HAX1: variants seen among roughly 807,000 people sequenced by gnomAD.
The protein encoded by HAX1 is HCLS1-associated protein X-1.
HAX1 carries 27 observed loss-of-function variants against 31.1 expected under a neutral mutation model. The ratio of observed to expected loss-of-function variants is 0.87; its 90% CI spans 0.64 to 1.20. The LOEUF (loss-of-function observed/expected upper bound fraction) is 1.20. Among genes scored for constraint, HAX1 ranks in the 50% most tolerant of loss-of-function variants. HAX1 has a pLI of 0.00. For synonymous variants in HAX1, 114 were observed against 124.1 expected, an observed-to-expected ratio of 0.92 and a Z score of 0.54; for missense variants, 357 against 361.6, an observed-to-expected ratio of 0.99 and a Z score of 0.10.
chr1:154,275,686 G>C lies in HAX1; in HGVS notation c.825G>C (p.Trp275Cys), dbSNP rs113969843. The change falls in exon 7 of 7, where the codon TGG (tryptophan) becomes TGC (cysteine). Residue 275 changes from tryptophan to cysteine, a missense_variant. By Grantham distance (215) the Trp-to-Cys change is radical. Coordinates refer to ENST00000328703, the MANE Select transcript of HAX1 (RefSeq NM_006118.4). ...TCCTGGACTTATTCCTGGGACGTTG[G>C]TTCCGGTCCCGGTAGCCTTGTTAAC... ...FSILDLFLGR[W>C]FRSR 2.5e-6 allele frequency: 4 copies of C among 1,613,480 alleles called. No homozygotes were observed. Among genetic ancestry groups the C allele is most frequent in the Non-Finnish European group, 2.5e-6 (3 of 1,179,528 alleles).
intron 1 of HAX1, 92 bp from the exon 2 acceptor site, chr1:154,273,244 C>G (rs1033500254): frequency 1.3e-6 from 2 of 1,507,754 alleles, no homozygotes; most frequent in Non-Finnish European, 1.8e-6. Flanking sequence ...CTTCCCAGAC[C>G]CCTTGCTCTT....
At position 154,274,990 on chromosome 1, in the gene HAX1, G is replaced by C; in HGVS notation, c.545G>C (p.Arg182Thr). 1 of 1,610,982 alleles carries C rather than the reference G, an allele frequency of 6.2e-7. No individual in the cohort carries two copies. The highest frequency in any genetic ancestry group is 8.5e-7 in the Non-Finnish European group (1 of 1,177,118). ...VWPMDPHPRT[R>T]EDNDLDSQVS... ...CCTATGGACCCCCATCCTAGAACCA[G>C]AGAGGACAATGGTAAGTCTGGAGGA... The change falls in exon 4 of 7, where the codon AGA becomes ACA. Residue 182 changes from arginine to threonine, a missense_variant. Coordinates refer to ENST00000328703, the MANE Select transcript of HAX1 (RefSeq NM_006118.4).
Position 154,275,661 on chromosome 1 carries a change from T to C in HAX1, c.800T>C (p.Ile267Thr), listed in dbSNP as rs1426457419. The change falls in exon 7 of 7, where the codon ATC becomes ACC. Residue 267 changes from isoleucine to threonine, a missense_variant. Ile to Thr is a moderately conservative substitution (Grantham distance 89, BLOSUM62 -1). Coordinates refer to ENST00000328703, the MANE Select transcript of HAX1 (RefSeq NM_006118.4). ...RPPALDDAFS[I>T]LDLFLGRWFR... ...CCAGCCCTGGATGATGCCTTTTCCA[T>C]CCTGGACTTATTCCTGGGACGTTGG... is the stretch of plus-strand genomic sequence containing the variant. The C allele has an allele frequency of 6.2e-7, 1 of 1,614,118 alleles. No individual in the cohort carries two copies. Among genetic ancestry groups the C allele is most frequent in the Non-Finnish European group, 8.5e-7 (1 of 1,179,974 alleles).
intron 1 of HAX1, chr1:154,272,977 C>A: frequency 1.6e-6 from 1 of 635,394 alleles, no homozygotes; most frequent in African/African-American, 1.8e-5. Context: ...AGCCTTTCTC[C>A]AACCTGGGGT....
At chr1:154,272,844 T>G in intron 1 of HAX1, 68 bp downstream of exon 1, 1 of 1,436,016 alleles carries the variant, frequency 7.0e-7, no homozygotes, top group Non-Finnish European at 9.8e-7. Flanking sequence ...TACGTCTTAT[T>G]TTTGGAAAAA....
At position 154,273,343 on chromosome 1, in the gene HAX1, G is replaced by A. The variant is rs541476988; in HGVS notation, c.61G>A (p.Asp21Asn). 1.2e-6 allele frequency: 2 copies of A among 1,613,766 alleles called. No individual in the cohort carries two copies. Among genetic ancestry groups the A allele is most frequent in the African/African-American group, 1.3e-5 (1 of 74,822 alleles). ...FGFPGPRSHRDPFFGGMTRDE... is the reference protein window; with the variant it reads ...FGFPGPRSHRNPFFGGMTRDE... The stretch of plus-strand genomic sequence containing the variant: ...ATCTGCCTCCACTCTCAGCCACAGA[G>A]ATCCCTTTTTTGGAGGGATGACTCG... The change falls in exon 2 of 7, where the codon GAT becomes AAT. Residue 21 changes from aspartate to asparagine, a missense_variant. Physicochemically the swap from Asp to Asn is conservative, Grantham distance 23. Coordinates refer to ENST00000328703, the MANE Select transcript of HAX1 (RefSeq NM_006118.4).
Position 154,275,497 on chromosome 1 carries a change from CAA to C in HAX1, c.754+16_754+17del, listed in dbSNP as rs750197027. Reference sequence around the variant, plus strand: ...GTCCTAGGGGTGGTAAGTTAAAAGACAAAGGGGTTCATCTCAAGATTCCTTGG... The same window carrying C: ...GTCCTAGGGGTGGTAAGTTAAAAGACAGGGGTTCATCTCAAGATTCCTTGG... On this transcript the variant is annotated intron_variant, in intron 6 of 6. Transcript: ENST00000328703. The C allele has an allele frequency of 5.0e-6, 8 of 1,604,484 alleles. No individual in the cohort carries two copies. In the African/African-American group the frequency reaches 8.0e-5, roughly 16 times the overall value.
At chr1:154,273,694 G>C (rs762152245) in intron 2 of HAX1, 80 bp from the exon 3 acceptor site, 2 of 1,594,452 alleles carry the variant, frequency 1.3e-6, no homozygotes, top group Non-Finnish European at 8.6e-7. Context: ...TGGGAAGTGT[G>C]AGAAGACTGA....
intron 3 of HAX1, among the ~76,000 whole-genome samples, chr1:154,274,444 A>C (rs1357160259): frequency 6.6e-6 from 1 of 151,940 alleles, no homozygotes; most frequent in East Asian, 2.0e-4. Flanking sequence ...ATGGCGTTTC[A>C]CCGTGTTGGC....
At chr1:154,273,166 A>AAC (rs1553289350) in intron 1 of HAX1, 170 bp from the exon 2 acceptor site, 56 of 687,924 alleles carry the variant, frequency 8.1e-5, no homozygotes, top group African/African-American at 7.6e-4. Flanking sequence ...AAAAAAAAAA[A>AAC]AAAAAGAACT....
chr1:154,275,755 A>G lies in HAX1; in HGVS notation c.*54A>G. 8.5e-7 allele frequency: 1 copy of G among 1,173,356 alleles called. No individual in the cohort carries two copies. The highest frequency in any genetic ancestry group is 1.2e-5 in the South Asian group (1 of 81,246). The allele number at this position is 1,173,356 out of a possible 1,614,324, so 72.7% of individuals were successfully genotyped here. A position where few individuals can be genotyped will look rare whatever the true frequency, so the allele number is the denominator to read the frequency against. ...CCTTTCCACCTCTCACCCATTGCCCACCATTAATAAGCTTAGCTTCTCTTG... is the reference window on the plus strand; with the variant it reads ...CCTTTCCACCTCTCACCCATTGCCCGCCATTAATAAGCTTAGCTTCTCTTG... On this transcript the variant is annotated 3_prime_UTR_variant, in exon 7 of 7. Coordinates refer to ENST00000328703, the MANE Select transcript of HAX1 (RefSeq NM_006118.4).
In HAX1 at chr1:154,273,561, C is replaced by T. The variant is rs1684868690; in HGVS notation, c.279C>T (p.Ser93=). The change falls in exon 2 of 7, where the codon AGC becomes AGT. Residue 93 remains serine (S), a synonymous_variant. Transcript: ENST00000328703. ...DLVRDFNSIF[S]DMGAWTLPSH... ...TACGAGATTTCAATAGCATCTTCAGCGATATGGGGGCCTGGACCTTGCCTT... is the reference window on the plus strand; with the variant it reads ...TACGAGATTTCAATAGCATCTTCAGTGATATGGGGGCCTGGACCTTGCCTT... 1.2e-6 allele frequency: 2 copies of T among 1,614,116 alleles called. No homozygotes were observed. Among genetic ancestry groups the T allele is most frequent in the Non-Finnish European group, 1.7e-6 (2 of 1,180,018 alleles).
chr1:154,275,781 C>T lies in HAX1; in HGVS notation c.*80C>T, dbSNP rs912619566. On this transcript the variant is annotated 3_prime_UTR_variant, in exon 7 of 7. Transcript: ENST00000328703. Reference sequence around the variant, plus strand: ...CCATTAATAAGCTTAGCTTCTCTTGCCACCTCAGGGGCTTGGATATGTGGA... The same window carrying T: ...CCATTAATAAGCTTAGCTTCTCTTGTCACCTCAGGGGCTTGGATATGTGGA... 5.3e-6 allele frequency: 5 copies of T among 934,776 alleles called. No homozygotes were observed. In the Middle Eastern group the frequency reaches 6.4e-4, roughly 120 times the overall value. The allele number at this position is 934,776 out of a possible 1,614,324, so 57.9% of individuals were successfully genotyped here. A position where few individuals can be genotyped will look rare whatever the true frequency, so the allele number is the denominator to read the frequency against.
chr1:154,273,201 A>T, intron 1 of HAX1, 135 bp from the exon 2 acceptor site: 3 of 794,722 alleles, frequency 3.8e-6, no homozygotes, highest in Non-Finnish European at 6.3e-6. Flanking sequence ...TAATGTTTTG[A>T]TGTGGCAGCC....
At chr1:154,275,588 T>C (rs1684915985) in intron 6 of HAX1, 28 bp from the exon 7 acceptor site, 2 of 1,590,640 alleles carry the variant, frequency 1.3e-6, no homozygotes, top group Non-Finnish European at 8.6e-7. Context: ...TCATTTAGCC[T>C]ATTTACGTGT....
Position 154,275,481 on chromosome 1 carries a change from G to C in HAX1, c.752G>C (p.Gly251Ala). ...TRHEADSSPR[G>A]DPESPRPPAL... ...CACGAAGCAGATAGCAGTCCTAGGGGTGGTAAGTTAAAAGACAAAGGGGTT... is the reference window on the plus strand; with the variant it reads ...CACGAAGCAGATAGCAGTCCTAGGGCTGGTAAGTTAAAAGACAAAGGGGTT... Residue 251 changes from glycine to alanine, a missense_variant and splice_region_variant, in exon 6 of 7, where the codon GGT becomes GCT. Transcript: ENST00000328703. 5.6e-6 allele frequency: 9 copies of C among 1,613,400 alleles called. No individual in the cohort carries two copies. The highest frequency in any genetic ancestry group is 7.6e-6 in the Non-Finnish European group (9 of 1,179,288).
At chr1:154,274,004 C>T (rs774570355) in intron 3 of HAX1, 43 bp downstream of exon 3, 2 of 1,554,650 alleles carry the variant, frequency 1.3e-6, no homozygotes, top group Non-Finnish European at 1.8e-6. Context: ...TTGTGAGAGA[C>T]CACTAATAAA....
At position 154,275,242 on chromosome 1, in the gene HAX1, G is replaced by A. The variant is rs2149140634; in HGVS notation, c.645G>A (p.Lys215=). The A allele has an allele frequency of 6.2e-7, 1 of 1,612,620 alleles. No individual in the cohort carries two copies. The highest frequency in any genetic ancestry group is 8.5e-7 in the Non-Finnish European group (1 of 1,178,614). Residue 215 remains lysine, a synonymous_variant, in exon 5 of 7, where the codon AAG becomes AAA. Coordinates refer to ENST00000328703, the MANE Select transcript of HAX1 (RefSeq NM_006118.4). ...KSYFKSISVT[K]ITKPDGIVEE... ...ATTTCAAGAGCATCTCTGTGACCAA[G>A]ATCACTAAACCAGATGGGGTGAGTT...
Position 154,273,919 on chromosome 1 carries a change from C to T in HAX1, c.462C>T (p.Pro154=). Residue 154 remains proline (P), a synonymous_variant, in exon 3 of 7, where the codon CCC becomes CCT. Coordinates refer to ENST00000328703, the MANE Select transcript of HAX1 (RefSeq NM_006118.4). ...VLESDARSES[P]QPAPDWGSQR... is the part of the protein sequence containing the mutation. Reference sequence around the variant, plus strand: ...AGAGTGATGCAAGAAGTGAATCCCCCCAACCAGCACCAGACTGGGGCTCCC... The same window carrying T: ...AGAGTGATGCAAGAAGTGAATCCCCTCAACCAGCACCAGACTGGGGCTCCC... 2.5e-6 allele frequency: 4 copies of T among 1,614,106 alleles called. No homozygotes were observed. The highest frequency in any genetic ancestry group is 3.4e-6 in the Non-Finnish European group (4 of 1,180,024).
Sources: allele counts gnomAD v4.1 joint callset (sites outside exome capture counted in the v4.1 genomes callset), GRCh38; gene constraint gnomAD v4.1.1; transcripts MANE v1.5; gene names NCBI Gene and HGNC (gene_info 2026-07-23, HGNC 2026-07-21).